The following TMEFF2 variants were observed in gnomAD, a reference collection of about 807,000 sequenced individuals.
TMEFF2 encodes tomoregulin-2.
In TMEFF2, 28 loss-of-function variants were observed where a neutral mutation model predicts 53.8. The observed-to-expected ratio is 0.52, with a 90% CI of 0.39 to 0.71. The LOEUF (loss-of-function observed/expected upper bound fraction) is 0.71, where lower values mean the gene tolerates loss of function less well. Among genes scored for constraint, TMEFF2 ranks in the 30% least tolerant of loss-of-function variants. The pLI is 0.00. For synonymous variants in TMEFF2, 162 were observed against 166.3 expected, an observed-to-expected ratio of 0.97 and a Z score of 0.20; for missense variants, 353 against 455.2, an observed-to-expected ratio of 0.78 and a Z score of 2.04.
intron 4 of TMEFF2, among the ~76,000 whole-genome samples, chr2:192,077,891 A>C (rs2105922667): frequency 6.6e-6 from 1 of 152,176 alleles, no homozygotes; most frequent in Admixed American, 6.6e-5. Flanking sequence ...ACATTATTTA[A>C]ATATTTTTTC....
At chr2:192,006,151 C>T (rs935970507) in intron 5 of TMEFF2, among the ~76,000 whole-genome samples, 1 of 151,312 alleles carries the variant, frequency 6.6e-6, no homozygotes, top group Non-Finnish European at 1.5e-5. Flanking sequence ...AAACATTACC[C>T]AGGACTGCAC....
intron 5 of TMEFF2, among the ~76,000 whole-genome samples, chr2:192,017,833 T>C (rs779833832): frequency 1.3e-5 from 2 of 152,190 alleles, no homozygotes; most frequent in Non-Finnish European, 2.9e-5. Context: ...CACCATAAAC[T>C]AACATTAAAA....
chr2:192,076,920 C>T (rs1162304287), intron 4 of TMEFF2, among the ~76,000 whole-genome samples: 4 of 152,174 alleles, frequency 2.6e-5, no homozygotes, highest in African/African-American at 9.7e-5. Context: ...CTTCTGACTA[C>T]ATACCACCTC....
At chr2:191,956,072 TG>T (rs1166568460) in intron 8 of TMEFF2, among the ~76,000 whole-genome samples, 182 bp downstream of exon 8, 3 of 84,930 alleles carry the variant, frequency 3.5e-5, no homozygotes, top group Non-Finnish European at 5.2e-5. Context: ...CACATATTTT[TG>T]TTTTTTTTTA....
At chr2:192,149,923 T>C (rs1023130917) in intron 4 of TMEFF2, among the ~76,000 whole-genome samples, 1 of 151,998 alleles carries the variant, frequency 6.6e-6, no homozygotes, top group Non-Finnish European at 1.5e-5. Context: ...AATAATTTAA[T>C]ATCTCAGTAA....
intron 4 of TMEFF2, chr2:192,176,718 T>C (rs1309580024): frequency 6.6e-6 from 1 of 151,234 alleles, no homozygotes; most frequent in Non-Finnish European, 1.5e-5. Context: ...AAATGTTCTC[T>C]CAAATGCAGT....
chr2:191,994,264 A>C (rs2105829688), intron 7 of TMEFF2, among the ~76,000 whole-genome samples: 1 of 152,108 alleles, frequency 6.6e-6, no homozygotes, highest in Non-Finnish European at 1.5e-5. Flanking sequence ...GAAAAATACA[A>C]ATGTATTTTA....
intron 4 of TMEFF2, among the ~76,000 whole-genome samples, chr2:192,063,289 T>C (rs1688092150): frequency 6.6e-6 from 1 of 151,952 alleles, no homozygotes; most frequent in Non-Finnish European, 1.5e-5. Flanking sequence ...CCTTTGAGAT[T>C]TCTTAGACTC....
At chr2:192,170,476 C>T (rs1026403082) in intron 4 of TMEFF2, among the ~76,000 whole-genome samples, 6 of 152,046 alleles carry the variant, frequency 3.9e-5, no homozygotes, top group Non-Finnish European at 5.9e-5. Flanking sequence ...CAACTGATTC[C>T]ACTAATATGT....
At chr2:192,128,022 A>G (rs954461016) in intron 4 of TMEFF2, among the ~76,000 whole-genome samples, 2 of 152,162 alleles carry the variant, frequency 1.3e-5, no homozygotes, top group Non-Finnish European at 2.9e-5. Context: ...CAAGGTAGTG[A>G]TAATTAATAT....
At chr2:191,958,193 A>G (rs942991700) in intron 7 of TMEFF2, among the ~76,000 whole-genome samples, 1 of 152,198 alleles carries the variant, frequency 6.6e-6, no homozygotes, top group Non-Finnish European at 1.5e-5. Context: ...AGGAGACTTT[A>G]GCAGTGGGGT....
chr2:192,003,587 A>T (rs753526207), intron 5 of TMEFF2, among the ~76,000 whole-genome samples: 3 of 152,218 alleles, frequency 2.0e-5, no homozygotes, highest in Non-Finnish European at 4.4e-5. Context: ...AAGACATTGC[A>T]AATTAAAACC....
At chr2:192,061,344 A>G (rs1235160813) in intron 4 of TMEFF2, among the ~76,000 whole-genome samples, 1 of 152,188 alleles carries the variant, frequency 6.6e-6, no homozygotes, top group African/African-American at 2.4e-5. Flanking sequence ...ATCTTGAATC[A>G]AAATATTCAG....
At chr2:192,116,097 A>G (rs1030426056) in intron 4 of TMEFF2, among the ~76,000 whole-genome samples, 2 of 152,058 alleles carry the variant, frequency 1.3e-5, no homozygotes, top group Non-Finnish European at 2.9e-5. Context: ...GTCCATCAAC[A>G]GGTGAATGGA....
intron 5 of TMEFF2, among the ~76,000 whole-genome samples, chr2:192,054,307 T>G (rs1173899069): frequency 2.0e-5 from 3 of 152,140 alleles, no homozygotes; most frequent in African/African-American, 7.2e-5. Flanking sequence ...AAGGCTTGGC[T>G]TTGTATACCA....
intron 5 of TMEFF2, among the ~76,000 whole-genome samples, chr2:192,001,037 T>C (rs1686345821): frequency 6.6e-6 from 1 of 152,180 alleles, no homozygotes; most frequent in East Asian, 1.9e-4. Flanking sequence ...ATAGAGCGGA[T>C]GTGGATAAGT....
intron 5 of TMEFF2, among the ~76,000 whole-genome samples, chr2:192,045,730 A>C (rs746032965): frequency 8.7e-4 from 132 of 152,098 alleles, no homozygotes; most frequent in Non-Finnish European, 1.4e-3. Flanking sequence ...AGAAACCAAC[A>C]CCGAGTCCCT....
chr2:191,955,174 G>GGA (rs1199101306), intron 8 of TMEFF2, among the ~76,000 whole-genome samples: 2 of 2,032 alleles, frequency 9.8e-4, no homozygotes, highest in Non-Finnish European at 3.9e-3. Context: ...GGAGAGAGAG[G>GGA]GAGAGAGAGA....
At position 191,949,328 on chromosome 2, in the gene TMEFF2, GTCA is replaced by G. The variant is rs375010259; in HGVS notation, c.*980_*982del. ...CATCTCTCTGTTTTCATGAAATATC[GTCA>G]TCATCATCTTAGTTCCATTACAAAT... On this transcript the variant is annotated 3_prime_UTR_variant, in exon 10 of 10. Transcript: ENST00000272771. 2.8e-5 allele frequency: 28 copies of G among 985,206 alleles called. No individual in the cohort carries two copies. The East Asian group carries it at 2.3e-3, about 80-fold the overall frequency. 61.0% of individuals were successfully genotyped at this position (985,206 alleles called of 1,614,324 possible).
Sources: gnomAD v4.1 joint callset for allele counts (sites outside exome capture counted in the v4.1 genomes callset) on GRCh38, gnomAD v4.1.1 for gene constraint, MANE v1.5 for transcripts, NCBI Gene and HGNC (gene_info 2026-07-23, HGNC 2026-07-21) for gene names.